The following NIPA2 variants were observed in gnomAD, a reference collection of about 807,000 sequenced individuals.
The protein encoded by NIPA2 is NIPA magnesium transporter 2.
Under a neutral mutation model 29.7 loss-of-function variants are expected in NIPA2, and 11 were observed. That is an observed-to-expected ratio of 0.37 (90% CI 0.23 to 0.61). The LOEUF (loss-of-function observed/expected upper bound fraction) is 0.61. Among genes scored for constraint, NIPA2 ranks in the 20% least tolerant of loss-of-function variants. The pLI is 0.66. For synonymous variants in NIPA2, 183 were observed against 161.9 expected (o/e 1.13, Z -0.99); for missense variants, 426 against 437.9 (o/e 0.97, Z 0.24).
intron 4 of NIPA2, among the ~76,000 whole-genome samples, chr15:22,852,478 A>AAAAAAAAAC (rs2057835069): frequency 6.6e-6 from 1 of 152,024 alleles, no homozygotes; most frequent in Admixed American, 6.6e-5. Context: ...AAAAAAAAAA[A>AAAAAAAAAC]AAAGCCATGG....
At chr15:22,861,536 A>G (rs764978892) in intron 7 of NIPA2, among the ~76,000 whole-genome samples, 19 of 152,286 alleles carry the variant, frequency 1.2e-4, no homozygotes, top group East Asian at 1.9e-4. Context: ...TTTATCTCAA[A>G]ATGTTTTTAA....
At chr15:22,847,183 G>T (rs532483565) in intron 3 of NIPA2, among the ~76,000 whole-genome samples, 131 of 152,150 alleles carry the variant, frequency 8.6e-4, no homozygotes, top group Admixed American at 2.4e-3. Flanking sequence ...TGGGATTACA[G>T]GCCTGAGCCA....
chr15:22,843,704 G>T (rs1327455943), intron 2 of NIPA2, among the ~76,000 whole-genome samples: 2 of 151,336 alleles, frequency 1.3e-5, no homozygotes, highest in Non-Finnish European at 2.9e-5. Flanking sequence ...AGGCTGGAGT[G>T]CAGTGGTGCA....
At chr15:22,857,168 C>T (rs113770950) in intron 5 of NIPA2, among the ~76,000 whole-genome samples, 8,722 of 152,278 alleles carry the variant, frequency 0.057, 841 homozygotes, top group African/African-American at 0.2. Flanking sequence ...TGGTGGCTCA[C>T]GCCTGTAATC....
chr15:22,846,359 G>T (rs1392424310), intron 3 of NIPA2, among the ~76,000 whole-genome samples: 1 of 151,228 alleles, frequency 6.6e-6, no homozygotes, highest in African/African-American at 2.4e-5. Flanking sequence ...AAAAGCTCCT[G>T]GTTTTTACCA....
rs374359813 is a variant in NIPA2, at chr15:22,860,702, C to T, written c.361C>T (p.Leu121=). The change falls in exon 7 of 8, where the codon CTA becomes TTA. Residue 121 remains leucine (L), a synonymous_variant. Coordinates refer to ENST00000337451, the MANE Select transcript of NIPA2 (RefSeq NM_030922.7). ...GAAAATTGGGTGTTTGCTAAGTATTCTAGGATCTACAGTTATGGTCATTCA... is the reference window on the plus strand; with the variant it reads ...GAAAATTGGGTGTTTGCTAAGTATTTTAGGATCTACAGTTATGGTCATTCA... ...HGKIGCLLSI[L]GSTVMVIHAP... 87 of 1,600,658 alleles carry T rather than the reference C, an allele frequency of 5.4e-5. No individual in the cohort carries two copies. The highest frequency in any genetic ancestry group is 7.1e-5 in the Non-Finnish European group (83 of 1,173,646).
chr15:22,866,578 C>G lies in NIPA2; in HGVS notation c.814C>G (p.Gln272Glu). 3 of 1,614,104 alleles carry G rather than the reference C, an allele frequency of 1.9e-6. No individual in the cohort carries two copies. Residue 272 changes from glutamine to glutamate, a missense_variant, in exon 8 of 8, where the codon CAA becomes GAA. This residue lies in a region of NIPA2 where 357 missense variants were observed against 339.8 expected (regional missense o/e 1.05). Transcript: ENST00000337451. ...TTCAGCTATTCTTTTTAAGGAGTGG[C>G]AAGATATGCCTGTTGACGATGTCAT... Reference protein sequence around the residue: ...TCSAILFKEWQDMPVDDVIGT... With the variant: ...TCSAILFKEWEDMPVDDVIGT...
intron 1 of NIPA2, among the ~76,000 whole-genome samples, chr15:22,839,400 C>T (rs886227806): frequency 6.6e-6 from 1 of 152,148 alleles, no homozygotes. Flanking sequence ...TAATACAGGA[C>T]TGCATGTTAA....
At chr15:22,861,336 C>T (rs188375286) in intron 7 of NIPA2, among the ~76,000 whole-genome samples, 20 of 152,250 alleles carry the variant, frequency 1.3e-4, no homozygotes, top group Admixed American at 1.1e-3. Flanking sequence ...TCAATCTAGG[C>T]GGGTGTCTCC....
intron 5 of NIPA2, among the ~76,000 whole-genome samples, chr15:22,856,959 A>C (rs1424037029): frequency 6.6e-6 from 1 of 152,178 alleles, no homozygotes; most frequent in African/African-American, 2.4e-5. Context: ...CCTTAGTGGG[A>C]CTTAATTTCC....
intron 5 of NIPA2, among the ~76,000 whole-genome samples, 180 bp from the exon 6 acceptor site, chr15:22,858,360 C>T (rs1327873150): frequency 6.6e-6 from 1 of 151,984 alleles, no homozygotes; most frequent in Non-Finnish European, 1.5e-5. Context: ...CACCACTGCA[C>T]TGCAGCCTGG....
chr15:22,841,799 GC>G (rs1430018855), intron 2 of NIPA2, among the ~76,000 whole-genome samples: 1 of 152,140 alleles, frequency 6.6e-6, no homozygotes, highest in East Asian at 1.9e-4. Flanking sequence ...GAGCCACCGC[GC>G]CCGGCCGGAC....
chr15:22,859,638 G>A (rs1025218884), intron 6 of NIPA2, among the ~76,000 whole-genome samples: 1 of 152,132 alleles, frequency 6.6e-6, no homozygotes, highest in Non-Finnish European at 1.5e-5. Context: ...TTTTGAATGA[G>A]TGATCTGAGA....
rs976033954 is a variant in NIPA2, at chr15:22,867,949, C to CTCAT, written c.*1103_*1106dup. ...CTCCATTCAGCTTTGAACCTATCCA[C>CTCAT]TCATAACCATTGACTGGCCTTTAAA... On this transcript the variant is annotated 3_prime_UTR_variant, in exon 8 of 8. Transcript: ENST00000337451. The CTCAT allele has an allele frequency of 6.6e-6, 1 of 152,242 alleles. No individual in the cohort carries two copies. Among genetic ancestry groups the CTCAT allele is most frequent in the African/African-American group, 2.4e-5 (1 of 41,464 alleles). 9.4% of individuals were successfully genotyped at this position (152,242 alleles called of 1,614,324 possible). A position where few individuals can be genotyped will look rare whatever the true frequency, so the allele number is the denominator to read the frequency against.
rs1309007021 is a variant in NIPA2, at chr15:22,866,333, C to T, written c.569C>T (p.Ala190Val). ...ATAACAATCTGCTCTGTAATCGGCG[C>T]GTTTTCAGTCTCCTGTGTGAAGGGC... ...VYITICSVIG[A>V]FSVSCVKGLG... Residue 190 changes from alanine to valine, a missense_variant, in exon 8 of 8, where the codon GCG becomes GTG. Physicochemically the swap from Ala to Val is moderately conservative, Grantham distance 64. Coordinates refer to ENST00000337451, the MANE Select transcript of NIPA2 (RefSeq NM_030922.7). The T allele has an allele frequency of 1.2e-5, 19 of 1,614,044 alleles. No homozygotes were observed. Among genetic ancestry groups the T allele is most frequent in the East Asian group, 4.5e-5 (2 of 44,870 alleles).
rs542871987 is a variant in NIPA2 at position 22,856,655 on chromosome 15, A to G, written c.197-1885A>G. Among the ~76,000 whole-genome samples the G allele has an allele frequency of 1.6e-3, 242 of 152,360 alleles. 1 individual carries two copies. Among genetic ancestry groups the G allele is most frequent in the Non-Finnish European group, 2.7e-3 (184 of 68,034 alleles). Reference sequence around the variant, plus strand: ...TTACATCTGAAATATATAAAGAATTACCTTAAATCAATTAGAGAAAACAGG... The same window carrying G: ...TTACATCTGAAATATATAAAGAATTGCCTTAAATCAATTAGAGAAAACAGG... On this transcript the variant is annotated intron_variant, in intron 5 of 7. Transcript: ENST00000337451.
At chr15:22,863,140 G>A (rs2058738225) in intron 7 of NIPA2, among the ~76,000 whole-genome samples, 1 of 151,090 alleles carries the variant, frequency 6.6e-6, no homozygotes, top group South Asian at 2.1e-4. Context: ...GCACAGTGGT[G>A]CAGTCTCGGC....
chr15:22,852,531 A>T (rs2057844980), intron 4 of NIPA2, among the ~76,000 whole-genome samples: 1 of 149,444 alleles, frequency 6.7e-6, no homozygotes, highest in South Asian at 2.1e-4. Context: ...TTTGTCCATG[A>T]TAGTAGACGT....
At chr15:22,854,134 T>A (rs1039160024) in intron 5 of NIPA2, among the ~76,000 whole-genome samples, 1 of 151,142 alleles carries the variant, frequency 6.6e-6, no homozygotes, top group Non-Finnish European at 1.5e-5. Flanking sequence ...CGTTACTTAT[T>A]TATTTATTTT....
Sources: allele counts gnomAD v4.1 joint callset (sites outside exome capture counted in the v4.1 genomes callset), GRCh38; gene constraint gnomAD v4.1.1; regional missense constraint gnomAD v4.1.1; transcripts MANE v1.5; gene names NCBI Gene and HGNC (gene_info 2026-07-23, HGNC 2026-07-21).